Variants in CCDC40 observed in about 807,000 individuals in gnomAD.
CCDC40 encodes the protein coiled-coil domain 40 molecular ruler complex subunit.
Under a neutral mutation model 124.5 loss-of-function variants are expected in CCDC40, and 104 were observed. That is an observed-to-expected ratio of 0.84 (90% confidence interval 0.71 to 0.98). CCDC40 has a LOEUF of 0.98. Among genes scored for constraint, CCDC40 ranks in the 50% least tolerant of loss-of-function variants. CCDC40 has a pLI of 0.00. For synonymous variants in CCDC40, 580 were observed against 602.9 expected (o/e 0.96, Z 0.56); for missense variants, 1,463 against 1,503.9 (o/e 0.97, Z 0.45).
At chr17:80,089,728 T>C in intron 16 of CCDC40, 36 bp from the exon 17 acceptor site, 1 of 1,613,384 alleles carries the variant, frequency 6.2e-7, no homozygotes, top group Non-Finnish European at 8.5e-7. Context: ...AGAAGAAAAC[T>C]CCTAATTTCT....
intron 1 of CCDC40, among the ~76,000 whole-genome samples, chr17:80,037,696 C>CATATAT (rs71163910): frequency 1.1e-5 from 1 of 94,748 alleles, no homozygotes. Flanking sequence ...AAAAGATATA[C>CATATAT]ATATATATAT....
intron 3 of CCDC40, among the ~76,000 whole-genome samples, chr17:80,041,877 A>T (rs2037291764): frequency 6.6e-6 from 1 of 152,054 alleles, no homozygotes; most frequent in Admixed American, 6.6e-5. Context: ...GATGATGTTC[A>T]CTTCTGTCAC....
chr17:80,090,798 C>A, intron 17 of CCDC40: 1 of 1,253,536 alleles, frequency 8.0e-7, no homozygotes, highest in Non-Finnish European at 1.0e-6. Context: ...ATAAATGGGC[C>A]TCACTTTCAC....
chr17:80,087,531 C>T lies in CCDC40; in HGVS notation c.2450-76C>T. 1 of 1,229,798 alleles carries T rather than the reference C, an allele frequency of 8.1e-7. No homozygotes were observed. The highest frequency in any genetic ancestry group is 1.2e-6 in the Non-Finnish European group (1 of 840,914). The allele number at this position is 1,229,798 out of a possible 1,614,324, so 76.2% of individuals were successfully genotyped here. On this transcript the variant is annotated intron_variant, in intron 14 of 19. Transcript: ENST00000397545. This position sits in a 1 kb window ranked among gnomAD's most constrained non-coding sequence, Gnocchi z 4.5. ...GGGAGAGACAAAACCTGGCTCACCT[C>T]TCGGACACTGCTGCCTGCGGGCGAG...
rs147790630 is a variant in CCDC40 at position 80,061,856 on chromosome 17, T to TCCCTAA, written c.1440+2892_1440+2897dup. Among the ~76,000 whole-genome samples the TCCCTAA allele has an allele frequency of 5.3e-5, 8 of 151,946 alleles. No individual in the cohort carries two copies. The East Asian group carries it at 9.7e-4, about 18-fold the overall frequency. On this transcript the variant is annotated intron_variant, in intron 9 of 19. Transcript: ENST00000397545. Reference sequence around the variant, plus strand: ...GATATGATCATATGCAGCCACTCCCTCCCTAACCCTAACCCTAACCCCGCA... The same window carrying TCCCTAA: ...GATATGATCATATGCAGCCACTCCCTCCCTAACCCTAACCCTAACCCTAACCCCGCA...
chr17:80,051,642 A>G (rs1242477103), intron 7 of CCDC40, among the ~76,000 whole-genome samples: 4 of 94,304 alleles, frequency 4.2e-5, no homozygotes, highest in Admixed American at 1.8e-4. Flanking sequence ...AAAAAAAAAA[A>G]AAAAAAAAAA....
intron 7 of CCDC40, chr17:80,051,206 C>A: frequency 2.9e-6 from 1 of 349,566 alleles, no homozygotes; most frequent in Non-Finnish European, 4.0e-6. Context: ...GGGGAAATGA[C>A]CTACACAAAC....
rs183283553 is a variant in CCDC40 at position 80,047,997 on chromosome 17, G to A, written c.677-586G>A. Among the ~76,000 whole-genome samples the A allele has an allele frequency of 6.4e-3, 970 of 152,306 alleles. 9 individuals carry two copies. The highest frequency in any genetic ancestry group is 7.0e-3 in the Non-Finnish European group (479 of 68,030). On this transcript the variant is annotated intron_variant, in intron 4 of 19. Coordinates refer to ENST00000397545, the MANE Select transcript of CCDC40 (RefSeq NM_017950.4). ...AAATTAGTAAAAAAACAAGCCGGGC[G>A]CGGTGGCTCACGCCTGGAATCCCAG...
At chr17:80,063,078 G>A (rs146126971) in intron 9 of CCDC40, among the ~76,000 whole-genome samples, 2,244 of 152,104 alleles carry the variant, frequency 0.015, 55 homozygotes, top group African/African-American at 0.052. Flanking sequence ...GCCTATAATC[G>A]CAGCTGTTCG....
chr17:80,067,333 A>G (rs922129709), intron 10 of CCDC40: 6 of 590,010 alleles, frequency 1.0e-5, no homozygotes, highest in Non-Finnish European at 1.8e-5. Context: ...CAGTCACTAG[A>G]ACCCCCTCCC....
At chr17:80,054,482 G>T (rs762059652) in intron 7 of CCDC40, among the ~76,000 whole-genome samples, 1 of 152,128 alleles carries the variant, frequency 6.6e-6, no homozygotes, top group Non-Finnish European at 1.5e-5. Flanking sequence ...CCCACAGGCT[G>T]GTCCTGCAAT....
chr17:80,071,542 A>G (rs1022584969), intron 10 of CCDC40, among the ~76,000 whole-genome samples: 6 of 152,058 alleles, frequency 3.9e-5, no homozygotes, highest in Non-Finnish European at 8.8e-5. Flanking sequence ...TTTTTGTTTC[A>G]TTTACAGACA....
In CCDC40 at chr17:80,058,116, G is replaced by A. The variant is rs2037798687; in HGVS notation, c.1160-378G>A. 6.6e-6 allele frequency among the ~76,000 whole-genome samples: 1 copy of A among 152,132 alleles called. No individual in the cohort carries two copies. Among genetic ancestry groups the A allele is most frequent in the Non-Finnish European group, 1.5e-5 (1 of 68,024 alleles). ...TCTCGTCTCCTCCCAGGGGACTTAA[G>A]ACTCCACCTAAGGTTGCCAGCCTTT... On this transcript the variant is annotated intron_variant, in intron 7 of 19. Coordinates refer to ENST00000397545, the MANE Select transcript of CCDC40 (RefSeq NM_017950.4). The surrounding 1 kb of genome is among the most constrained non-coding windows in gnomAD (Gnocchi z 4.2).
intron 19 of CCDC40, 56 bp from the exon 20 acceptor site, chr17:80,099,471 C>T (rs911604416): frequency 1.4e-5 from 22 of 1,585,020 alleles, no homozygotes; most frequent in Non-Finnish European, 1.9e-5. Context: ...GGGGGGCCAG[C>T]AGGTGTCTTT....
At chr17:80,056,805 C>T (rs12952555) in intron 7 of CCDC40, among the ~76,000 whole-genome samples, 53,578 of 151,394 alleles carry the variant, frequency 0.35, 10,593 homozygotes, top group Middle Eastern at 0.49. Context: ...TTTGGGAGGC[C>T]GAGGCAAGCG....
At position 80,058,879 on chromosome 17, in the gene CCDC40, A is replaced by G. The variant is rs1299973301; in HGVS notation, c.1339A>G (p.Thr447Ala). 1 of 1,614,148 alleles carries G rather than the reference A, an allele frequency of 6.2e-7. No homozygotes were observed. The highest frequency in any genetic ancestry group is 1.1e-5 in the South Asian group (1 of 91,090). ...KKQDLYVDQL[T>A]TRAQQLEEDI... The stretch of plus-strand genomic sequence containing the variant: ...CCAGGACCTGTATGTGGACCAGCTC[A>G]CCACTCGAGCCCAGCAACTGGAAGA... The change falls in exon 9 of 20, where the codon ACC (threonine) becomes GCC (alanine). Residue 447 changes from threonine (T) to alanine (A), a missense_variant. Coordinates refer to ENST00000397545, the MANE Select transcript of CCDC40 (RefSeq NM_017950.4). This position sits in a 1 kb window ranked among gnomAD's most constrained non-coding sequence, Gnocchi z 4.2.
chr17:80,088,153 C>T, intron 16 of CCDC40, 51 bp downstream of exon 16: 1 of 1,272,792 alleles, frequency 7.9e-7, no homozygotes, highest in Non-Finnish European at 1.1e-6. Flanking sequence ...ACTGCACCTA[C>T]AGGCCTCTGT....
intron 9 of CCDC40, among the ~76,000 whole-genome samples, chr17:80,061,078 G>C (rs1051410950): frequency 3.3e-5 from 5 of 152,184 alleles, no homozygotes; most frequent in Non-Finnish European, 7.3e-5. Flanking sequence ...GGGTAAGGTG[G>C]CTCACGCCTG....
intron 10 of CCDC40, chr17:80,067,850 C>T (rs2038087988): frequency 7.1e-7 from 1 of 1,402,028 alleles, no homozygotes; most frequent in South Asian, 1.7e-5. Flanking sequence ...CTGTGCCAAT[C>T]CGATTGATGA....
Sources: allele counts gnomAD v4.1 joint callset (sites outside exome capture counted in the v4.1 genomes callset), GRCh38; gene constraint gnomAD v4.1.1; non-coding constraint Gnocchi (gnomAD v3.1); transcripts MANE v1.5; gene names NCBI Gene and HGNC (gene_info 2026-07-23, HGNC 2026-07-21).